XYLT1: variants seen among roughly 807,000 people sequenced by gnomAD.
XYLT1 encodes the protein beta-D-xylosyltransferase 1.
Under a neutral mutation model 91.3 loss-of-function variants are expected in XYLT1, and 36 were observed. The ratio of observed to expected loss-of-function variants is 0.39; its 90% CI spans 0.30 to 0.52. XYLT1 has a LOEUF of 0.52. XYLT1 is among the 20% of genes least tolerant of loss of function. XYLT1 has a pLI of 0.68. For missense variants in XYLT1, 1,242 were observed against 1,284.5 expected (o/e 0.97, Z 0.51); for synonymous variants, 588 against 532.0 (o/e 1.11, Z -1.45).
At chr16:17,424,563 A>ATAAGAAATAAGAATG (rs2036289433) in intron 1 of XYLT1, among the ~76,000 whole-genome samples, 1 of 152,142 alleles carries the variant, frequency 6.6e-6, no homozygotes, top group Non-Finnish European at 1.5e-5. Flanking sequence ...CTGTAGAAAC[A>ATAAGAAATAAGAATG]CCAAGAAAAT....
Position 17,215,566 on chromosome 16 carries a change from T to C in XYLT1, c.914-14912A>G, listed in dbSNP as rs2032839744. Among the ~76,000 whole-genome samples, 3 of 152,120 alleles carry C rather than the reference T, an allele frequency of 2.0e-5. 1 individual carries two copies. Among genetic ancestry groups the C allele is most frequent in the South Asian group, 2.1e-4 (1 of 4,834 alleles). ...ATAGCTTCCAAAATGGAGACAAATATTTGTTTTTTAAGCCACCTGGTCTAT... is the reference window on the plus strand; with the variant it reads ...ATAGCTTCCAAAATGGAGACAAATACTTGTTTTTTAAGCCACCTGGTCTAT... On this transcript the variant is annotated intron_variant, in intron 3 of 11. Transcript: ENST00000261381.
chr16:17,317,259 G>T (rs1299578408), intron 2 of XYLT1, among the ~76,000 whole-genome samples: 1 of 152,150 alleles, frequency 6.6e-6, no homozygotes, highest in Non-Finnish European at 1.5e-5. Context: ...AATTAGAGAG[G>T]TGAGGCAACC....
At chr16:17,419,423 G>C (rs1368216044) in intron 1 of XYLT1, among the ~76,000 whole-genome samples, 1 of 151,994 alleles carries the variant, frequency 6.6e-6, no homozygotes, top group African/African-American at 2.4e-5. Flanking sequence ...TGCCCTCTAT[G>C]CAGTTATAGC....
At chr16:17,289,654 C>T (rs2034193266) in intron 2 of XYLT1, among the ~76,000 whole-genome samples, 1 of 152,132 alleles carries the variant, frequency 6.6e-6, no homozygotes, top group Non-Finnish European at 1.5e-5. Flanking sequence ...ATCAGGGTGA[C>T]AGTTGAGAAT....
intron 2 of XYLT1, among the ~76,000 whole-genome samples, chr16:17,280,494 T>C (rs1453488913): frequency 6.6e-6 from 1 of 152,260 alleles, no homozygotes; most frequent in Non-Finnish European, 1.5e-5. Context: ...TCTAGATTTA[T>C]GAAATAATTC....
At chr16:17,298,011 C>T (rs2034338699) in intron 2 of XYLT1, among the ~76,000 whole-genome samples, 1 of 150,518 alleles carries the variant, frequency 6.6e-6, no homozygotes, top group South Asian at 2.1e-4. Flanking sequence ...ACGAGCGAGA[C>T]TCCGTCTCAA....
At chr16:17,162,258 A>C (rs1245097871) in intron 5 of XYLT1, among the ~76,000 whole-genome samples, 1 of 151,978 alleles carries the variant, frequency 6.6e-6, no homozygotes, top group Non-Finnish European at 1.5e-5. Context: ...AAATACAAAC[A>C]AATTAGCCAG....
At chr16:17,183,379 G>A (rs757127620) in intron 5 of XYLT1, among the ~76,000 whole-genome samples, 1 of 152,302 alleles carries the variant, frequency 6.6e-6, no homozygotes, top group Middle Eastern at 3.4e-3. Flanking sequence ...AGATGGGGAA[G>A]AAATGAGTGA....
At chr16:17,202,537 CT>C (rs2032562056) in intron 3 of XYLT1, among the ~76,000 whole-genome samples, 1 of 152,166 alleles carries the variant, frequency 6.6e-6, no homozygotes, top group Non-Finnish European at 1.5e-5. Context: ...TTAGGACCTT[CT>C]CCCTGGCTTC....
At chr16:17,239,701 T>A (rs995106423) in intron 3 of XYLT1, among the ~76,000 whole-genome samples, 11 of 150,830 alleles carry the variant, frequency 7.3e-5, no homozygotes, top group African/African-American at 2.7e-4. Flanking sequence ...CATCCACCCA[T>A]CCATCCATCC....
chr16:17,189,307 G>A (rs1013365106), intron 5 of XYLT1, among the ~76,000 whole-genome samples: 2 of 152,216 alleles, frequency 1.3e-5, no homozygotes, highest in Non-Finnish European at 2.9e-5. Flanking sequence ...GTTCAGCTGA[G>A]GTCCAGGGGC....
chr16:17,460,599 C>T (rs919246523), intron 1 of XYLT1, among the ~76,000 whole-genome samples: 5 of 152,186 alleles, frequency 3.3e-5, no homozygotes, highest in East Asian at 1.9e-4. Context: ...CCAAGAGGGG[C>T]CAGCCAGGTG....
chr16:17,101,971 T>G lies in XYLT1; in HGVS notation c.*6724A>C, dbSNP rs1966707408. 6.6e-6 allele frequency: 1 copy of G among 152,216 alleles called. No homozygotes were observed. 9.4% of individuals were successfully genotyped at this position (152,216 alleles called of 1,614,324 possible). ...AGTTGGGTATAGGAAACTGCAACTT[T>G]CCATGGCAGTCCCTTCTTGTTATTC... is the stretch of plus-strand genomic sequence containing the variant. On this transcript the variant is annotated 3_prime_UTR_variant, in exon 12 of 12. Coordinates refer to ENST00000261381, the MANE Select transcript of XYLT1 (RefSeq NM_022166.4).
intron 2 of XYLT1, among the ~76,000 whole-genome samples, chr16:17,260,942 G>T (rs2085545): frequency 0.29 from 43,725 of 151,930 alleles, 6,346 homozygotes; most frequent in Non-Finnish European, 0.31. Flanking sequence ...GGAGAAGAAG[G>T]TGCCCCTAGG....
chr16:17,193,366 G>T (rs2032360286), intron 5 of XYLT1: 1 of 152,236 alleles, frequency 6.6e-6, no homozygotes, highest in Non-Finnish European at 1.5e-5. Flanking sequence ...TAGAGAATTT[G>T]AGATGCAGAA....
At chr16:17,285,986 G>A (rs2034135117) in intron 2 of XYLT1, among the ~76,000 whole-genome samples, 1 of 151,944 alleles carries the variant, frequency 6.6e-6, no homozygotes, top group Non-Finnish European at 1.5e-5. Context: ...GAGAGAGACT[G>A]TGTTATGCCA....
intron 2 of XYLT1, among the ~76,000 whole-genome samples, chr16:17,276,183 C>A (rs1430375562): frequency 6.6e-6 from 1 of 152,146 alleles, no homozygotes; most frequent in Non-Finnish European, 1.5e-5. Flanking sequence ...CTGCTGTCAC[C>A]CCCTAAATCT....
intron 1 of XYLT1, among the ~76,000 whole-genome samples, chr16:17,412,184 C>T (rs1012981305): frequency 6.6e-6 from 1 of 152,118 alleles, no homozygotes; most frequent in Non-Finnish European, 1.5e-5. Context: ...ACGCTCCGCA[C>T]AGCTCCTGGG....
chr16:17,380,753 C>T (rs1267125894), intron 1 of XYLT1, among the ~76,000 whole-genome samples: 3 of 152,314 alleles, frequency 2.0e-5, no homozygotes, highest in Admixed American at 2.0e-4. Flanking sequence ...AGCCTAGTGT[C>T]CCTCCTGGAA....
Sources: allele counts gnomAD v4.1 joint callset (sites outside exome capture counted in the v4.1 genomes callset), GRCh38; gene constraint gnomAD v4.1.1; transcripts MANE v1.5; gene names NCBI Gene and HGNC (gene_info 2026-07-23, HGNC 2026-07-21).